Variants in LRRC7 observed in about 807,000 individuals in gnomAD.
LRRC7 encodes leucine rich repeat containing 7.
A neutral mutation model predicts 175.7 loss-of-function variants in LRRC7; 23 were observed. The ratio of observed to expected loss-of-function variants is 0.13; its 90% CI spans 0.09 to 0.19. The LOEUF (loss-of-function observed/expected upper bound fraction) is 0.19. Among genes scored for constraint, LRRC7 ranks in the 10% least tolerant of loss-of-function variants. The pLI, the probability that LRRC7 is intolerant of heterozygous loss-of-function variation, is 1.00. For synonymous variants in LRRC7, 685 were observed against 680.9 expected, an observed-to-expected ratio of 1.01 and a Z score of -0.09; for missense variants, 1,354 against 1,904.7, an observed-to-expected ratio of 0.71 and a Z score of 5.38.
At chr1:69,925,421 A>G (rs942655410) in intron 7 of LRRC7, among the ~76,000 whole-genome samples, 1 of 152,154 alleles carries the variant, frequency 6.6e-6, no homozygotes, top group Non-Finnish European at 1.5e-5. Flanking sequence ...CTGTGAATCC[A>G]TCTGGTCCTG....
chr1:69,580,139 T>C (rs1646136139), intron 1 of LRRC7, among the ~76,000 whole-genome samples: 1 of 152,112 alleles, frequency 6.6e-6, no homozygotes, highest in Admixed American at 6.6e-5. Flanking sequence ...AGTTGTTTGT[T>C]AATAGAGAAT....
intron 7 of LRRC7, 110 bp downstream of exon 7, chr1:69,838,393 C>T (rs1354154464): frequency 2.1e-5 from 18 of 839,506 alleles, no homozygotes; most frequent in Non-Finnish European, 3.1e-5. Context: ...AATTTATCTA[C>T]ACATTTTTCC....
intron 25 of LRRC7, among the ~76,000 whole-genome samples, chr1:70,090,352 C>A (rs1170767495): frequency 6.6e-6 from 1 of 152,010 alleles, no homozygotes; most frequent in African/African-American, 2.4e-5. Context: ...AATCAGTTAG[C>A]ATTAGCAGAA....
intron 2 of LRRC7, among the ~76,000 whole-genome samples, chr1:69,718,498 T>C (rs1665993454): frequency 6.6e-6 from 1 of 151,768 alleles, no homozygotes; most frequent in South Asian, 2.1e-4. Flanking sequence ...AAATGGGGGA[T>C]GATCACAGGA....
chr1:70,095,914 A>G lies in LRRC7; in HGVS notation c.4545+6095A>G, dbSNP rs867555825. On this transcript the variant is annotated intron_variant, in intron 25 of 26. Coordinates refer to ENST00000651989, the MANE Select transcript of LRRC7 (RefSeq NM_001370785.2). The stretch of plus-strand genomic sequence containing the variant: ...CCAGAGTTAAAGAGTAAGTAATAGT[A>G]GTTTAGGATTACTGAATAAGGTACC... 3.9e-5 allele frequency among the ~76,000 whole-genome samples: 6 copies of G among 152,298 alleles called. No homozygotes were observed. In the Middle Eastern group the frequency reaches 0.01, roughly 259 times the overall value.
At chr1:70,041,806 T>G (rs1463773093) in intron 21 of LRRC7, among the ~76,000 whole-genome samples, 4 of 152,248 alleles carry the variant, frequency 2.6e-5, no homozygotes, top group Non-Finnish European at 4.4e-5. Context: ...TCCTCTCCTT[T>G]GACCCCAGCG....
At chr1:69,648,218 T>C (rs952577889) in intron 1 of LRRC7, among the ~76,000 whole-genome samples, 12 of 152,152 alleles carry the variant, frequency 7.9e-5, no homozygotes, top group African/African-American at 2.7e-4. Flanking sequence ...TGAGTGTGTG[T>C]AACATTTAGT....
At position 69,717,841 on chromosome 1, in the gene LRRC7, A is replaced by AAAGAAAGGAAAG. The variant is rs1665680908; in HGVS notation, c.100+39365_100+39366insGAAAGGAAAGAA. 1.9e-3 allele frequency among the ~76,000 whole-genome samples: 37 copies of AAAGAAAGGAAAG among 19,330 alleles called. 5 individuals are homozygous for AAAGAAAGGAAAG. Among genetic ancestry groups the AAAGAAAGGAAAG allele is most frequent in the Non-Finnish European group, 2.3e-3 (27 of 11,740 alleles). 12.7% of individuals were successfully genotyped at this position (19,330 alleles called of 152,430 possible). A position where few individuals can be genotyped will look rare whatever the true frequency, so the allele number is the denominator to read the frequency against. On this transcript the variant is annotated intron_variant, in intron 2 of 26. Coordinates refer to ENST00000651989, the MANE Select transcript of LRRC7 (RefSeq NM_001370785.2). ...AAGAAAGAAAGAAAGAAAGAAAGAA[A>AAAGAAAGGAAAG]AAAGAAAGAAAGGAAAGAAAGAAAG...
intron 7 of LRRC7, among the ~76,000 whole-genome samples, chr1:69,925,978 C>A (rs1336841248): frequency 6.6e-6 from 1 of 151,056 alleles, no homozygotes; most frequent in African/African-American, 2.4e-5. Flanking sequence ...TTGAATGTGT[C>A]CCAGAGATTC....
intron 8 of LRRC7, among the ~76,000 whole-genome samples, chr1:69,974,678 T>C (rs1652628359): frequency 1.3e-5 from 2 of 152,360 alleles, no homozygotes; most frequent in South Asian, 2.1e-4. Context: ...TTTTATGTTG[T>C]GGTTTTGTCT....
At chr1:69,807,064 C>G (rs564271069) in intron 4 of LRRC7, among the ~76,000 whole-genome samples, 1 of 152,050 alleles carries the variant, frequency 6.6e-6, no homozygotes, top group African/African-American at 2.4e-5. Context: ...CCTTCTTTGT[C>G]TCTTTTGATC....
intron 7 of LRRC7, among the ~76,000 whole-genome samples, chr1:69,889,981 C>T (rs1392200490): frequency 6.6e-6 from 1 of 152,214 alleles, no homozygotes; most frequent in South Asian, 2.1e-4. Flanking sequence ...AGATCTCTTT[C>T]TACCACATTG....
chr1:69,696,672 C>G (rs941933901), intron 2 of LRRC7, among the ~76,000 whole-genome samples: 2 of 152,148 alleles, frequency 1.3e-5, no homozygotes, highest in Non-Finnish European at 2.9e-5. Context: ...GGTCATGGGG[C>G]AGATTCCTCA....
At chr1:69,656,806 A>G (rs1403616703) in intron 1 of LRRC7, among the ~76,000 whole-genome samples, 2 of 151,974 alleles carry the variant, frequency 1.3e-5, no homozygotes, top group African/African-American at 4.8e-5. Context: ...TGCTTCCTCC[A>G]TGTTATTGTA....
intron 18 of LRRC7, among the ~76,000 whole-genome samples, chr1:70,032,640 A>G (rs12044979): frequency 0.22 from 32,813 of 151,958 alleles, 3,606 homozygotes; most frequent in African/African-American, 0.24. Context: ...ATTTTTTTCT[A>G]TAGAGGAACA....
chr1:69,827,675 A>T, intron 5 of LRRC7, among the ~76,000 whole-genome samples: 1 of 151,898 alleles, frequency 6.6e-6, no homozygotes, highest in East Asian at 1.9e-4. Flanking sequence ...CTGTCTCTAT[A>T]AAGTATGCAA....
chr1:70,023,189 C>G lies in LRRC7; in HGVS notation c.1609C>G (p.Leu537Val). The change falls in exon 17 of 27, where the codon CTG (leucine) becomes GTG (valine). Residue 537 changes from leucine (L) to valine (V), a missense_variant. By Grantham distance (32) the Leu-to-Val change is conservative (BLOSUM62 1). This residue lies in a region of LRRC7 where 1,032 missense variants were observed against 1,227.2 expected (regional missense o/e 0.84). Transcript: ENST00000651989. ...TGGGATTACTCTCCAACCTGCCAGA[C>G]TGTCTGGCGATTGCTGCACACCATG... ...QRGITLQPAR[L>V]SGDCCTPWAR... 1 of 1,578,772 alleles carries G rather than the reference C, an allele frequency of 6.3e-7. No homozygotes were observed. The highest frequency in any genetic ancestry group is 1.7e-4 in the Middle Eastern group (1 of 5,938).
At chr1:70,091,468 G>A (rs1664026272) in intron 25 of LRRC7, among the ~76,000 whole-genome samples, 1 of 151,990 alleles carries the variant, frequency 6.6e-6, no homozygotes, top group Admixed American at 6.6e-5. Flanking sequence ...ATATTTTTCT[G>A]TTCTTTCTCA....
intron 7 of LRRC7, among the ~76,000 whole-genome samples, chr1:69,921,305 A>C (rs1466676971): frequency 3.3e-5 from 5 of 152,030 alleles, no homozygotes; most frequent in African/African-American, 1.2e-4. Flanking sequence ...TCCAGTGAAG[A>C]CTTTTTGCCT....
Sources: gnomAD v4.1 joint callset for allele counts (sites outside exome capture counted in the v4.1 genomes callset) on GRCh38, gnomAD v4.1.1 for gene constraint, gnomAD v4.1.1 regional missense constraint, MANE v1.5 for transcripts, NCBI Gene and HGNC (gene_info 2026-07-23, HGNC 2026-07-21) for gene names.